The following CYP2S1 variants were observed in gnomAD, a reference collection of about 807,000 sequenced individuals.
CYP2S1 encodes cytochrome P450 2S1.
Under a neutral mutation model 43.5 loss-of-function variants are expected in CYP2S1, and 32 were observed. The ratio of observed to expected loss-of-function variants is 0.74; its 90% CI spans 0.56 to 0.99. The LOEUF is 0.99. Among genes scored for constraint, CYP2S1 ranks in the 50% least tolerant of loss-of-function variants. The probability of loss-of-function intolerance (pLI) is 0.00; values close to 1 mark genes in which losing one functional copy is unlikely to be tolerated. For synonymous variants in CYP2S1, 283 were observed against 302.9 expected (o/e 0.93, Z 0.68); for missense variants, 575 against 673.9 (o/e 0.85, Z 1.62).
chr19:41,207,083 C>T lies in CYP2S1; in HGVS notation c.*595C>T, dbSNP rs1020421821. 9.2e-6 allele frequency: 3 copies of T among 327,448 alleles called. No homozygotes were observed. Among genetic ancestry groups the T allele is most frequent in the East Asian group, 7.8e-5 (1 of 12,844 alleles). The allele number at this position is 327,448 out of a possible 1,614,324, so 20.3% of individuals were successfully genotyped here. Reference sequence around the variant, plus strand: ...ACTTGTCCACACAGCTACCCACGTACGACATCGTCCTGGCTCCCCAGAGTA... The same window carrying T: ...ACTTGTCCACACAGCTACCCACGTATGACATCGTCCTGGCTCCCCAGAGTA... On this transcript the variant is annotated 3_prime_UTR_variant, in exon 9 of 9. Coordinates refer to ENST00000310054, the MANE Select transcript of CYP2S1 (RefSeq NM_030622.8).
At chr19:41,193,620 A>G (rs2033370760) in intron 1 of CYP2S1, 179 bp downstream of exon 1, 2 of 1,240,970 alleles carry the variant, frequency 1.6e-6, no homozygotes, top group Non-Finnish European at 2.0e-6. Flanking sequence ...CAGGGCTGAG[A>G]AGGGGAGAGG....
chr19:41,203,862 TA>T (rs1474543306), intron 7 of CYP2S1, among the ~76,000 whole-genome samples: 10 of 151,738 alleles, frequency 6.6e-5, no homozygotes, highest in South Asian at 2.1e-4. Flanking sequence ...TTTCTGCATA[TA>T]TTTTTTTTCT....
At chr19:41,197,706 AAAAAG>A in intron 2 of CYP2S1, 68 bp from the exon 3 acceptor site, 1 of 1,576,590 alleles carries the variant, frequency 6.3e-7, no homozygotes, top group Admixed American at 1.9e-5. Context: ...TCTCAAAAAA[AAAAAG>A]AAAGAAAGGA....
intron 7 of CYP2S1, among the ~76,000 whole-genome samples, chr19:41,205,031 C>T (rs1346640728): frequency 1.3e-5 from 2 of 152,046 alleles, no homozygotes; most frequent in African/African-American, 4.8e-5. Context: ...AAACAAACAC[C>T]AACTCAACTC....
At chr19:41,194,150 G>A (rs1218153774) in intron 1 of CYP2S1, among the ~76,000 whole-genome samples, 5 of 152,212 alleles carry the variant, frequency 3.3e-5, no homozygotes, top group East Asian at 1.9e-4. Context: ...GAGATGGGGC[G>A]GATACTCAGC....
intron 2 of CYP2S1, among the ~76,000 whole-genome samples, chr19:41,196,102 T>A (rs1358532351): frequency 2.6e-5 from 4 of 151,890 alleles, no homozygotes; most frequent in African/African-American, 4.8e-5. Context: ...AAAGAGGGAA[T>A]CAGGGAAGGC....
chr19:41,198,993 C>T lies in CYP2S1; in HGVS notation c.834+105C>T, dbSNP rs1023881468. On this transcript the variant is annotated intron_variant, in intron 5 of 8. Coordinates refer to ENST00000310054, the MANE Select transcript of CYP2S1 (RefSeq NM_030622.8). The surrounding 1 kb of genome is among the most constrained non-coding windows in gnomAD (Gnocchi z 4.9). Reference sequence around the variant, plus strand: ...CTCAATTGGGTTCCTCTCTCTTTCTCTCTCTGCATGTCTCTGTGAGTATGA... The same window carrying T: ...CTCAATTGGGTTCCTCTCTCTTTCTTTCTCTGCATGTCTCTGTGAGTATGA... 9 of 1,349,370 alleles carry T rather than the reference C, an allele frequency of 6.7e-6. No individual in the cohort carries two copies. The highest frequency in any genetic ancestry group is 2.0e-4 in the Middle Eastern group (1 of 4,906). The allele number at this position is 1,349,370 out of a possible 1,614,324, so 83.6% of individuals were successfully genotyped here.
At position 41,206,039 on chromosome 19, in the gene CYP2S1, C is replaced by T. The variant is rs201580121; in HGVS notation, c.1246C>T (p.Arg416Cys). 144 of 1,613,990 alleles carry T rather than the reference C, an allele frequency of 8.9e-5. No individual in the cohort carries two copies. The highest frequency in any genetic ancestry group is 1.2e-4 in the Non-Finnish European group (139 of 1,180,040). The change falls in exon 8 of 9, where the codon CGT (arginine) becomes TGT (cysteine). Residue 416 changes from arginine (R) to cysteine (C), a missense_variant. Coordinates refer to ENST00000310054, the MANE Select transcript of CYP2S1 (RefSeq NM_030622.8). ...FKHPEEFNPD[R>C]FLDADGRFRK... is the part of the protein sequence containing the mutation. ...GCACCCAGAAGAGTTCAACCCAGAC[C>T]GTTTCCTGGATGCAGATGGACGGTT...
rs1252413582 is a variant in CYP2S1 at position 41,206,814 on chromosome 19, G to A, written c.*326G>A. The stretch of plus-strand genomic sequence containing the variant: ...CCCCTGGATCTGCAGCCCACACGTG[G>A]GAGTCTGGCTGTCACCTTCACAAGC... On this transcript the variant is annotated 3_prime_UTR_variant, in exon 9 of 9. Coordinates refer to ENST00000310054, the MANE Select transcript of CYP2S1 (RefSeq NM_030622.8). 1.9e-6 allele frequency: 1 copy of A among 530,834 alleles called. No homozygotes were observed. Among genetic ancestry groups the A allele is most frequent in the Admixed American group, 2.2e-5 (1 of 44,668 alleles). The allele number at this position is 530,834 out of a possible 1,614,324, so 32.9% of individuals were successfully genotyped here.
chr19:41,195,466 CCA>C (rs2033399583), intron 2 of CYP2S1, among the ~76,000 whole-genome samples: 1 of 151,950 alleles, frequency 6.6e-6, no homozygotes, highest in African/African-American at 2.4e-5. Context: ...CAGTCCCAGC[CCA>C]GAGTGGTCAG....
chr19:41,203,113 G>A (rs2033511379), intron 6 of CYP2S1, among the ~76,000 whole-genome samples: 1 of 151,762 alleles, frequency 6.6e-6, no homozygotes, highest in African/African-American at 2.4e-5. Context: ...TCAGGAGGCT[G>A]AGGCGGGAGA....
At position 41,197,796 on chromosome 19, in the gene CYP2S1, G is replaced by A. The variant is rs2033432654; in HGVS notation, c.361G>A (p.Gly121Arg). The A allele has an allele frequency of 4.3e-6, 7 of 1,614,010 alleles. No homozygotes were observed. The highest frequency in any genetic ancestry group is 1.1e-5 in the South Asian group (1 of 91,086). Reference sequence around the variant, plus strand: ...CTGCGCAGGGGTTTTCTTCTCCAACGGGGAGCGGTGGAGGCAGCTGAGGAA... The same window carrying A: ...CTGCGCAGGGGTTTTCTTCTCCAACAGGGAGCGGTGGAGGCAGCTGAGGAA... ...FDGHGVFFSN[G>R]ERWRQLRKFT... Residue 121 changes from glycine (G) to arginine (R), a missense_variant, in exon 3 of 9, where the codon GGG (glycine) becomes AGG (arginine). Physicochemically the swap from Gly to Arg is moderately radical, Grantham distance 125 (BLOSUM62 -2). This residue lies in a region of CYP2S1 where 353 missense variants were observed against 367.6 expected (regional missense o/e 0.96). Coordinates refer to ENST00000310054, the MANE Select transcript of CYP2S1 (RefSeq NM_030622.8).
In CYP2S1 at chr19:41,203,504, T is replaced by C; in HGVS notation, c.1031T>C (p.Leu344Pro). The change falls in exon 7 of 9, where the codon CTA (leucine) becomes CCA (proline). Residue 344 changes from leucine (L) to proline (P), a missense_variant. Coordinates refer to ENST00000310054, the MANE Select transcript of CYP2S1 (RefSeq NM_030622.8). The part of the protein sequence containing the change: ...RELGAGQAPS[L>P]GDRTRLPYTD... ...CTGGGGGCTGGCCAGGCACCAAGCC[T>C]AGGGGACCGTACCCGCCTCCCTTAC... 1 of 1,601,962 alleles carries C rather than the reference T, an allele frequency of 6.2e-7. No homozygotes were observed. The highest frequency in any genetic ancestry group is 8.5e-7 in the Non-Finnish European group (1 of 1,172,690).
chr19:41,202,193 G>A (rs2122163553), intron 6 of CYP2S1, among the ~76,000 whole-genome samples: 1 of 152,194 alleles, frequency 6.6e-6, no homozygotes, highest in East Asian at 2.0e-4. Context: ...TCCCCATGTT[G>A]GCCAGGCTGG....
At chr19:41,194,441 A>G (rs117216419) in intron 1 of CYP2S1, 103 bp from the exon 2 acceptor site, 26,680 of 1,415,620 alleles carry the variant, frequency 0.019, 319 homozygotes, top group Middle Eastern at 0.027. Context: ...TAGAGGGCGT[A>G]GAAGCTAGAC....
Position 41,201,326 on chromosome 19 carries a change from G to A in CYP2S1, c.930G>A (p.Thr310=), listed in dbSNP as rs756093596. 1.2e-5 allele frequency: 19 copies of A among 1,614,056 alleles called. No homozygotes were observed. Among genetic ancestry groups the A allele is most frequent in the South Asian group, 9.9e-5 (9 of 91,080 alleles). ...CTGGGACGATGACGGTCAGCACCAC[G>A]GTCGGCTATACCCTCCTGCTCCTGA... ...LFAGTMTVST[T]VGYTLLLLMK... The change falls in exon 6 of 9, where the codon ACG becomes ACA. Residue 310 remains threonine (T), a synonymous_variant. Transcript: ENST00000310054.
rs2033591707 is a variant in CYP2S1, at chr19:41,207,072, C to A, written c.*584C>A. 2 of 338,136 alleles carry A rather than the reference C, an allele frequency of 5.9e-6. No homozygotes were observed. The highest frequency in any genetic ancestry group is 1.2e-5 in the Non-Finnish European group (2 of 171,390). 20.9% of individuals were successfully genotyped at this position (338,136 alleles called of 1,614,324 possible). On this transcript the variant is annotated 3_prime_UTR_variant, in exon 9 of 9. Transcript: ENST00000310054. ...CACCCCCAACCACTTGTCCACACAG[C>A]TACCCACGTACGACATCGTCCTGGC...
In CYP2S1 at chr19:41,193,667, G is replaced by A. The variant is rs972247534; in HGVS notation, c.177+226G>A. The A allele has an allele frequency of 4.3e-5, 37 of 858,678 alleles. 1 individual carries two copies. The African/African-American group carries it at 6.3e-4, about 15-fold the overall frequency. 53.2% of individuals were successfully genotyped at this position (858,678 alleles called of 1,614,324 possible). ...GAGGATCGTGGGGTGGGGGACCAGG[G>A]CTAGGAGGGGCAGAGACCTCTGCCT... On this transcript the variant is annotated intron_variant, in intron 1 of 8. Transcript: ENST00000310054.
intron 6 of CYP2S1, 107 bp downstream of exon 6, chr19:41,201,479 G>C (rs1195547705): frequency 4.1e-6 from 6 of 1,463,146 alleles, no homozygotes; most frequent in Non-Finnish European, 5.5e-6. Flanking sequence ...GCTGAGGCGG[G>C]CTGATCACTT....
Sources: gnomAD v4.1 joint callset for allele counts (sites outside exome capture counted in the v4.1 genomes callset) on GRCh38, gnomAD v4.1.1 for gene constraint, gnomAD v4.1.1 regional missense constraint, Gnocchi (gnomAD v3.1) non-coding constraint, MANE v1.5 for transcripts, NCBI Gene and HGNC (gene_info 2026-07-23, HGNC 2026-07-21) for gene names.